Variants in ZSWIM5 observed in about 807,000 individuals in gnomAD.
The protein encoded by ZSWIM5 is zinc finger SWIM-type containing 5, also known as zinc finger SWIM domain-containing protein 5.
A neutral mutation model predicts 119.6 loss-of-function variants in ZSWIM5; 55 were observed. The observed-to-expected ratio is 0.46, with a 90% CI of 0.37 to 0.58. The LOEUF (loss-of-function observed/expected upper bound fraction) is 0.58, where lower values mean the gene tolerates loss of function less well. ZSWIM5 is among the 20% of genes least tolerant of loss of function. The pLI is 0.00. For missense variants in ZSWIM5, 1,193 were observed against 1,512.8 expected (o/e 0.79, Z 3.51); for synonymous variants, 537 against 606.9 (o/e 0.88, Z 1.69).
intron 4 of ZSWIM5, among the ~76,000 whole-genome samples, chr1:45,053,186 A>G (rs1378080510): frequency 6.6e-6 from 1 of 151,892 alleles, no homozygotes; most frequent in African/African-American, 2.4e-5. Flanking sequence ...TCTTTAGGGG[A>G]TTATAGTAAC....
chr1:45,132,626 A>G (rs1057101406), intron 1 of ZSWIM5, among the ~76,000 whole-genome samples: 2 of 151,436 alleles, frequency 1.3e-5, no homozygotes, highest in African/African-American at 4.9e-5. Context: ...CTTTTTTTTT[A>G]TTATACTTTA....
chr1:45,020,909 CG>C, intron 11 of ZSWIM5, 121 bp from the exon 12 acceptor site: 1 of 1,215,666 alleles, frequency 8.2e-7, no homozygotes, highest in Non-Finnish European at 1.2e-6. Flanking sequence ...TGAATGCTAC[CG>C]CCCCTTCTGG....
At chr1:45,167,898 T>C (rs1362554797) in intron 1 of ZSWIM5, among the ~76,000 whole-genome samples, 3 of 152,138 alleles carry the variant, frequency 2.0e-5, no homozygotes, top group Non-Finnish European at 2.9e-5. Flanking sequence ...AGTTCAACCA[T>C]TGTGGAAGAC....
chr1:45,092,106 A>C (rs1645369322), intron 1 of ZSWIM5, among the ~76,000 whole-genome samples: 1 of 152,186 alleles, frequency 6.6e-6, no homozygotes, highest in Non-Finnish European at 1.5e-5. Flanking sequence ...TTAGACACAG[A>C]ACTTTGCATA....
At chr1:45,084,140 G>A (rs1437228435) in intron 2 of ZSWIM5, among the ~76,000 whole-genome samples, 1 of 152,074 alleles carries the variant, frequency 6.6e-6, no homozygotes, top group Admixed American at 6.6e-5. Flanking sequence ...AAACTCCTGT[G>A]TGCAAGCAAT....
chr1:45,153,432 G>A (rs1645809714), intron 1 of ZSWIM5, among the ~76,000 whole-genome samples: 1 of 151,230 alleles, frequency 6.6e-6, no homozygotes, highest in Non-Finnish European at 1.5e-5. Context: ...CTTGAACCTG[G>A]AAGGCAGAGG....
intron 11 of ZSWIM5, among the ~76,000 whole-genome samples, chr1:45,026,786 A>G (rs1016562399): frequency 6.6e-6 from 1 of 152,212 alleles, no homozygotes; most frequent in African/African-American, 2.4e-5. Context: ...ACTTTAGAGA[A>G]TCAGTACCAT....
rs776841760 is a variant in ZSWIM5 at position 45,040,400 on chromosome 1, T to C, written c.1748A>G (p.Gln583Arg). Residue 583 changes from glutamine (Q) to arginine (R), a missense_variant, in exon 7 of 14, where the codon CAG becomes CGG. By Grantham distance (43) the Gln-to-Arg change is conservative. This residue lies in a region of ZSWIM5 where 961 missense variants were observed against 1,290.0 expected (regional missense o/e 0.74). Transcript: ENST00000359600. ...QQRQLEIYKH[Q>R]KKELLQRGTT... is the part of the protein sequence containing the mutation. ...GCTCCTAATTACTATACCTTTCTTCTGATGCTTGTAGATTTCCAGTTGCCG... is the reference window on the plus strand; with the variant it reads ...GCTCCTAATTACTATACCTTTCTTCCGATGCTTGTAGATTTCCAGTTGCCG... 22 of 1,610,384 alleles carry C rather than the reference T, an allele frequency of 1.4e-5. No homozygotes were observed. The African/African-American group carries it at 1.6e-4, about 12-fold the overall frequency.
intron 1 of ZSWIM5, among the ~76,000 whole-genome samples, chr1:45,147,491 T>C (rs1645768946): frequency 1.3e-5 from 2 of 152,026 alleles, no homozygotes; most frequent in Admixed American, 1.3e-4. Flanking sequence ...TAGAAAACGT[T>C]TTCTGCTTTG....
chr1:45,188,804 T>C lies in ZSWIM5; in HGVS notation c.595+16952A>G, dbSNP rs534669719. On this transcript the variant is annotated intron_variant, in intron 1 of 13. Coordinates refer to ENST00000359600, the MANE Select transcript of ZSWIM5 (RefSeq NM_020883.2). Reference sequence around the variant, plus strand: ...AGGCTAACCTGTTTTGATGGTGTGCTAGACAGCATATTTATCACACAGATA... The same window carrying C: ...AGGCTAACCTGTTTTGATGGTGTGCCAGACAGCATATTTATCACACAGATA... Among the ~76,000 whole-genome samples, 3 of 152,344 alleles carry C rather than the reference T, an allele frequency of 2.0e-5. No homozygotes were observed. In the East Asian group the frequency reaches 5.8e-4, roughly 29 times the overall value.
chr1:45,121,248 G>A (rs1458309117), intron 1 of ZSWIM5, among the ~76,000 whole-genome samples: 1 of 152,168 alleles, frequency 6.6e-6, no homozygotes, highest in Non-Finnish European at 1.5e-5. Context: ...ACAGCACCCG[G>A]CCCACCTTTC....
chr1:45,134,625 AC>A lies in ZSWIM5; in HGVS notation c.596-46389del, dbSNP rs747571672. Among the ~76,000 whole-genome samples, 5 of 152,352 alleles carry A rather than the reference AC, an allele frequency of 3.3e-5. No individual in the cohort carries two copies. In the East Asian group the frequency reaches 9.6e-4, roughly 29 times the overall value. ...AGCAGCAGAGGGTAATCCCAGGAAA[AC>A]AGTGCATATGTAAACAGAATCATTT... is the stretch of plus-strand genomic sequence containing the variant. On this transcript the variant is annotated intron_variant, in intron 1 of 13. Transcript: ENST00000359600.
intron 1 of ZSWIM5, among the ~76,000 whole-genome samples, chr1:45,200,737 T>C (rs776537680): frequency 3.9e-5 from 6 of 152,320 alleles, no homozygotes; most frequent in Non-Finnish European, 7.3e-5. Flanking sequence ...GCAAATTGAA[T>C]CAAGCAAGTC....
chr1:45,057,607 G>A lies in ZSWIM5; in HGVS notation c.1252+1002C>T, dbSNP rs925406541. 6.6e-6 allele frequency among the ~76,000 whole-genome samples: 1 copy of A among 152,212 alleles called. No homozygotes were observed. Among genetic ancestry groups the A allele is most frequent in the Admixed American group, 6.5e-5 (1 of 15,282 alleles). On this transcript the variant is annotated intron_variant, in intron 4 of 13. Coordinates refer to ENST00000359600, the MANE Select transcript of ZSWIM5 (RefSeq NM_020883.2). This position sits in a 1 kb window ranked among gnomAD's most constrained non-coding sequence, Gnocchi z 4.7. The stretch of plus-strand genomic sequence containing the variant: ...GACTTAAGATAGAATTGAGGGAGAT[G>A]TTACAGAGGGATATTTGATTTAAAG...
chr1:45,142,702 G>A (rs1286578290), intron 1 of ZSWIM5, among the ~76,000 whole-genome samples: 1 of 151,818 alleles, frequency 6.6e-6, no homozygotes, highest in African/African-American at 2.4e-5. Context: ...AGTGACAGAT[G>A]GTTTCACAGG....
chr1:45,168,501 T>A (rs1226911), intron 1 of ZSWIM5, among the ~76,000 whole-genome samples: 26,293 of 146,178 alleles, frequency 0.18, 3,286 homozygotes, highest in African/African-American at 0.35. Context: ...ATATTTTTTT[T>A]AAAAAATACA....
chr1:45,191,033 G>T (rs1162704400), intron 1 of ZSWIM5, among the ~76,000 whole-genome samples: 2 of 134,586 alleles, frequency 1.5e-5, no homozygotes, highest in Non-Finnish European at 3.1e-5. Flanking sequence ...TGCAAGCTGC[G>T]CCTCCCAGGT....
intron 5 of ZSWIM5, among the ~76,000 whole-genome samples, chr1:45,044,836 A>ATAAATAT (rs1491342236): frequency 8.4e-5 from 1 of 11,860 alleles, no homozygotes; most frequent in East Asian, 4.3e-3. Context: ...TATATATATA[A>ATAAATAT]ATATATATAT....
chr1:45,143,878 A>T (rs935723271), intron 1 of ZSWIM5, among the ~76,000 whole-genome samples: 14 of 111,528 alleles, frequency 1.3e-4, no homozygotes, highest in East Asian at 5.4e-4. Context: ...ACATAAATTA[A>T]AAAAAAAAAC....
Sources: gnomAD v4.1 joint callset for allele counts (sites outside exome capture counted in the v4.1 genomes callset) on GRCh38, gnomAD v4.1.1 for gene constraint, gnomAD v4.1.1 regional missense constraint, Gnocchi (gnomAD v3.1) non-coding constraint, MANE v1.5 for transcripts, NCBI Gene and HGNC (gene_info 2026-07-23, HGNC 2026-07-21) for gene names.